The following HSDL2 variants were observed in gnomAD, a reference collection of about 807,000 sequenced individuals.
The protein encoded by HSDL2 is hydroxysteroid dehydrogenase like 2.
A neutral mutation model predicts 46.3 loss-of-function variants in HSDL2; 27 were observed. That is an observed-to-expected ratio of 0.58 (90% CI 0.43 to 0.80). The LOEUF is 0.80. HSDL2 is among the 30% of genes least tolerant of loss of function. HSDL2 has a pLI of 0.00. For missense variants in HSDL2, 451 were observed against 502.7 expected (o/e 0.90, Z 0.98); for synonymous variants, 153 against 163.6 (o/e 0.94, Z 0.50).
intron 4 of HSDL2, among the ~76,000 whole-genome samples, chr9:112,409,296 T>A (rs1831806263): frequency 1.3e-5 from 2 of 152,142 alleles, no homozygotes; most frequent in Non-Finnish European, 1.5e-5. Context: ...TTCAAGCGAT[T>A]CTCCTGCCTC....
Position 112,412,307 on chromosome 9 carries a change from C to A in HSDL2, c.395+3286C>A, listed in dbSNP as rs370318796. Among the ~76,000 whole-genome samples, 15 of 152,262 alleles carry A rather than the reference C, an allele frequency of 9.9e-5. No individual in the cohort carries two copies. The East Asian group carries it at 2.1e-3, about 22-fold the overall frequency. Reference sequence around the variant, plus strand: ...AAGGTTTTAGACTGGGTTTTCATGACATGAAATGACTTCCAAGGTATTGAC... The same window carrying A: ...AAGGTTTTAGACTGGGTTTTCATGAAATGAAATGACTTCCAAGGTATTGAC... On this transcript the variant is annotated intron_variant, in intron 4 of 10. Transcript: ENST00000398805.
At chr9:112,457,578 G>A (rs1317577158) in intron 9 of HSDL2, among the ~76,000 whole-genome samples, 2 of 152,154 alleles carry the variant, frequency 1.3e-5, no homozygotes, top group African/African-American at 2.4e-5. Context: ...CCAGAAGGTC[G>A]AGGCTGCAGT....
At chr9:112,448,382 T>C (rs1420812402) in intron 8 of HSDL2, among the ~76,000 whole-genome samples, 1 of 152,196 alleles carries the variant, frequency 6.6e-6, no homozygotes, top group African/African-American at 2.4e-5. Flanking sequence ...AGTAAGGTGT[T>C]AACATTTGTA....
intron 1 of HSDL2, among the ~76,000 whole-genome samples, chr9:112,389,339 GGTTTGGAGAAAATAAGATATAGA>G (rs1831288301): frequency 6.6e-6 from 1 of 152,116 alleles, no homozygotes; most frequent in African/African-American, 2.4e-5. Flanking sequence ...ACTCTTAAGT[GGTTTGGAGAAAATAAGATATAGA>G]GAAGGAGAAA....
chr9:112,431,882 T>C (rs1462658282), intron 6 of HSDL2, among the ~76,000 whole-genome samples: 1 of 150,192 alleles, frequency 6.7e-6, no homozygotes, highest in East Asian at 1.9e-4. Context: ...TTCTTTTTTT[T>C]TTTTTTTTTT....
chr9:112,393,764 C>T (rs1485901850), intron 1 of HSDL2, among the ~76,000 whole-genome samples: 1 of 152,162 alleles, frequency 6.6e-6, no homozygotes, highest in African/African-American at 2.4e-5. Context: ...GAGCTCGAAC[C>T]AACATTACAC....
At chr9:112,416,749 G>T (rs771189861) in intron 4 of HSDL2, 92 bp from the exon 5 acceptor site, 15 of 632,780 alleles carry the variant, frequency 2.4e-5, no homozygotes, top group Middle Eastern at 4.2e-4. Context: ...CTCCAGCCTG[G>T]GCAACAGAGC....
At chr9:112,421,132 C>T (rs982830084) in intron 6 of HSDL2, among the ~76,000 whole-genome samples, 15 of 152,218 alleles carry the variant, frequency 9.9e-5, no homozygotes, top group Non-Finnish European at 2.1e-4. Context: ...GAGTTCAAGA[C>T]CAGCCTAGGC....
chr9:112,415,085 A>G (rs538589092), intron 4 of HSDL2, among the ~76,000 whole-genome samples: 2 of 152,348 alleles, frequency 1.3e-5, no homozygotes, highest in Admixed American at 1.3e-4. Context: ...AGCTGCTGAC[A>G]TTATGTAAAA....
At chr9:112,461,349 T>A (rs1447425463) in intron 10 of HSDL2, among the ~76,000 whole-genome samples, 1 of 152,142 alleles carries the variant, frequency 6.6e-6, no homozygotes, top group African/African-American at 2.4e-5. Flanking sequence ...AAAGTGCTGG[T>A]ATTACAAATG....
In HSDL2 at chr9:112,430,656, G is replaced by A. The variant is rs185673356; in HGVS notation, c.599-7775G>A. On this transcript the variant is annotated intron_variant, in intron 6 of 10. Transcript: ENST00000398805. ...CAGGATGACAGCAGTAAAGGTGGTG[G>A]ACAGTGGCCAGATTCTGATATATTT... 1.7e-4 allele frequency among the ~76,000 whole-genome samples: 26 copies of A among 152,292 alleles called. No individual in the cohort carries two copies. The East Asian group carries it at 4.6e-3, about 27-fold the overall frequency.
At chr9:112,461,839 A>G (rs1402991152) in intron 10 of HSDL2, among the ~76,000 whole-genome samples, 1 of 152,204 alleles carries the variant, frequency 6.6e-6, no homozygotes, top group Non-Finnish European at 1.5e-5. Context: ...TCTTTCTTTA[A>G]TTTACATTTC....
intron 8 of HSDL2, among the ~76,000 whole-genome samples, chr9:112,453,623 G>A (rs1832941849): frequency 6.6e-6 from 1 of 152,028 alleles, no homozygotes; most frequent in Non-Finnish European, 1.5e-5. Context: ...GAACTCCTGG[G>A]CTCAAGTGAT....
Position 112,454,069 on chromosome 9 carries a change from G to C in HSDL2, c.922G>C (p.Gly308Arg). 2 of 1,613,982 alleles carry C rather than the reference G, an allele frequency of 1.2e-6. No individual in the cohort carries two copies. The highest frequency in any genetic ancestry group is 1.7e-4 in the Middle Eastern group (1 of 6,060). The change falls in exon 9 of 11, where the codon GGA becomes CGA. Residue 308 changes from glycine (G) to arginine (R), a missense_variant. By Grantham distance (125) the Gly-to-Arg change is moderately radical. Coordinates refer to ENST00000398805, the MANE Select transcript of HSDL2 (RefSeq NM_032303.5). ...KLQLQPKPRS[G>R]AVEETFRIVK... The stretch of plus-strand genomic sequence containing the variant: ...GCAGCTGCAACCAAAACCACGTTCT[G>C]GAGCTGTGGAAGAAACATTTAGAAT...
At chr9:112,387,195 A>G (rs961058662) in intron 1 of HSDL2, among the ~76,000 whole-genome samples, 3 of 151,878 alleles carry the variant, frequency 2.0e-5, no homozygotes, top group Non-Finnish European at 4.4e-5. Context: ...AGGTGAAAGT[A>G]TATAACCTCT....
intron 8 of HSDL2, among the ~76,000 whole-genome samples, chr9:112,452,856 A>G (rs998931650): frequency 6.6e-6 from 1 of 152,226 alleles, no homozygotes; most frequent in African/African-American, 2.4e-5. Context: ...TTAAGTTGTT[A>G]TAGCCAGTGG....
At chr9:112,446,111 A>ATT (rs35439887) in intron 8 of HSDL2, among the ~76,000 whole-genome samples, 97 of 150,478 alleles carry the variant, frequency 6.4e-4, no homozygotes, top group Admixed American at 3.8e-3. Flanking sequence ...GCATCAGGTT[A>ATT]TTTTTTTTTT....
At chr9:112,389,095 A>G (rs575102224) in intron 1 of HSDL2, among the ~76,000 whole-genome samples, 1 of 151,786 alleles carries the variant, frequency 6.6e-6, no homozygotes, top group Non-Finnish European at 1.5e-5. Context: ...TGGTGTAATC[A>G]TGGCTCACTG....
intron 9 of HSDL2, among the ~76,000 whole-genome samples, chr9:112,455,780 T>TCTTTGACA (rs1833003834): frequency 6.6e-6 from 1 of 152,204 alleles, no homozygotes; most frequent in Non-Finnish European, 1.5e-5. Flanking sequence ...TTCCACTTGC[T>TCTTTGACA]CTTTGACAGA....
Sources: allele counts gnomAD v4.1 joint callset (sites outside exome capture counted in the v4.1 genomes callset), GRCh38; gene constraint gnomAD v4.1.1; transcripts MANE v1.5; gene names NCBI Gene and HGNC (gene_info 2026-07-23, HGNC 2026-07-21).